TRHDE: variants seen among roughly 807,000 people sequenced by gnomAD.
TRHDE encodes the protein thyrotropin-releasing hormone-degrading ectoenzyme.
Under a neutral mutation model 125.7 loss-of-function variants are expected in TRHDE, and 72 were observed. That is an observed-to-expected ratio of 0.57 (90% CI 0.47 to 0.70). The LOEUF (loss-of-function observed/expected upper bound fraction) is 0.70. TRHDE is among the 30% of genes least tolerant of loss of function. The probability of loss-of-function intolerance (pLI) is 0.00; values close to 1 mark genes in which losing one functional copy is unlikely to be tolerated. For synonymous variants in TRHDE, 509 were observed against 509.1 expected, an observed-to-expected ratio of 1.00 and a Z score of 0.00; for missense variants, 1,110 against 1,327.1, an observed-to-expected ratio of 0.84 and a Z score of 2.54.
rs182875501 is a variant in TRHDE at position 72,231,339 on chromosome 12, A to G, written n.279+125587A>G. ...TCTCAAATCACAGTCTAATGTGCCA[A>G]TATCCAAGTTTGAAAAACATATTAT... On this transcript the variant is annotated intron_variant and non_coding_transcript_variant, in intron 2 of 4. Coordinates refer to the TRHDE transcript ENST00000548156. Among the ~76,000 whole-genome samples the G allele has an allele frequency of 2.4e-3, 366 of 152,280 alleles. 1 individual carries two copies. The highest frequency in any genetic ancestry group is 8.4e-3 in the African/African-American group (350 of 41,570).
intron 2 of TRHDE, among the ~76,000 whole-genome samples, chr12:72,132,090 G>A (rs1875879566): frequency 6.6e-6 from 1 of 152,114 alleles, no homozygotes; most frequent in South Asian, 2.1e-4. Flanking sequence ...GAGCGTCTCA[G>A]GGGAAGGATA....
At chr12:72,407,331 T>A (rs894574603) in intron 3 of TRHDE, among the ~76,000 whole-genome samples, 1 of 152,200 alleles carries the variant, frequency 6.6e-6, no homozygotes, top group African/African-American at 2.4e-5. Flanking sequence ...CATAAAAGAC[T>A]GAAAGATTGC....
At chr12:72,108,622 G>A (rs571489763) in intron 2 of TRHDE, among the ~76,000 whole-genome samples, 3 of 152,174 alleles carry the variant, frequency 2.0e-5, no homozygotes, top group African/African-American at 4.8e-5. Context: ...ATGGAATTAT[G>A]GTAATTGAAA....
At chr12:72,624,339 T>C (rs1219757772) in intron 15 of TRHDE, among the ~76,000 whole-genome samples, 1 of 151,976 alleles carries the variant, frequency 6.6e-6, no homozygotes, top group African/African-American at 2.4e-5. Context: ...AATAGAGTGA[T>C]TTACAAAAGT....
At chr12:72,145,049 T>C (rs573506983) in intron 2 of TRHDE, among the ~76,000 whole-genome samples, 1 of 152,202 alleles carries the variant, frequency 6.6e-6, no homozygotes, top group South Asian at 2.1e-4. Flanking sequence ...GCTTGATAAA[T>C]ACTGACAGAC....
At chr12:72,259,812 C>T (rs1289868617) in intron 2 of TRHDE, among the ~76,000 whole-genome samples, 1 of 152,150 alleles carries the variant, frequency 6.6e-6, no homozygotes, top group Non-Finnish European at 1.5e-5. Flanking sequence ...CTCTAGCTCC[C>T]GCTTTGTGTG....
At chr12:72,414,335 G>A (rs529079732) in intron 3 of TRHDE, among the ~76,000 whole-genome samples, 1 of 152,082 alleles carries the variant, frequency 6.6e-6, no homozygotes, top group South Asian at 2.1e-4. Flanking sequence ...AAAGACTAAT[G>A]GAGACAAGAG....
At chr12:72,124,034 G>A (rs1875655528) in intron 2 of TRHDE, among the ~76,000 whole-genome samples, 1 of 152,058 alleles carries the variant, frequency 6.6e-6, no homozygotes, top group Non-Finnish European at 1.5e-5. Flanking sequence ...CTGTTGTACA[G>A]GCATATAATT....
intron 6 of TRHDE, among the ~76,000 whole-genome samples, chr12:72,500,849 C>CTTTTTTTTTTTT (rs11314911): frequency 9.1e-6 from 1 of 109,358 alleles, no homozygotes. Flanking sequence ...CAACTTTGTT[C>CTTTTTTTTTTTT]TTTTTTTTTT....
chr12:72,400,979 T>C (rs1873018172), intron 3 of TRHDE, among the ~76,000 whole-genome samples: 1 of 152,136 alleles, frequency 6.6e-6, no homozygotes, highest in Non-Finnish European at 1.5e-5. Context: ...ATTTAGGGAA[T>C]TTTTTATAAA....
Position 72,388,033 on chromosome 12 carries a change from C to G in TRHDE, c.1315+9912C>G, listed in dbSNP as rs189328736. Among the ~76,000 whole-genome samples, 739 of 152,190 alleles carry G rather than the reference C, an allele frequency of 4.9e-3. 6 individuals are homozygous for G. Among genetic ancestry groups the G allele is most frequent in the African/African-American group, 0.017 (697 of 41,514 alleles). On this transcript the variant is annotated intron_variant, in intron 3 of 18. Transcript: ENST00000261180. The stretch of plus-strand genomic sequence containing the variant: ...CATGCTTGCCCCTACCCTTTACCCC[C>G]CCGGACCCTCTAATCTCATTTATTT...
At chr12:72,259,215 T>G (rs1055238092) in intron 2 of TRHDE, among the ~76,000 whole-genome samples, 1 of 152,158 alleles carries the variant, frequency 6.6e-6, no homozygotes, top group African/African-American at 2.4e-5. Flanking sequence ...ATTTACTTAC[T>G]ATATAATTGT....
chr12:72,368,029 T>C lies in TRHDE; in HGVS notation c.1189-9966T>C, dbSNP rs567977691. Among the ~76,000 whole-genome samples, 26 of 152,332 alleles carry C rather than the reference T, an allele frequency of 1.7e-4. No individual in the cohort carries two copies. In the Middle Eastern group the frequency reaches 0.01, roughly 60 times the overall value. ...ACTGTTGTAAATGTTTTTTTCTTTT[T>C]CTTGGCTGTGTGGTATAACTATACA... On this transcript the variant is annotated intron_variant, in intron 2 of 18. Coordinates refer to ENST00000261180, the MANE Select transcript of TRHDE (RefSeq NM_013381.3).
At chr12:72,518,382 T>C (rs1337147073) in intron 6 of TRHDE, among the ~76,000 whole-genome samples, 17 of 151,050 alleles carry the variant, frequency 1.1e-4, no homozygotes, top group African/African-American at 2.2e-4. Context: ...TTGAATTGAT[T>C]CCTTTACCAT....
intron 2 of TRHDE, among the ~76,000 whole-genome samples, chr12:72,201,894 T>C (rs1877567421): frequency 6.6e-6 from 1 of 152,200 alleles, no homozygotes. Context: ...GTTAGACTCA[T>C]AAAACTATGG....
At chr12:72,382,900 A>G (rs1338963739) in intron 3 of TRHDE, among the ~76,000 whole-genome samples, 2 of 152,262 alleles carry the variant, frequency 1.3e-5, no homozygotes, top group East Asian at 3.9e-4. Flanking sequence ...GTTCATCTCT[A>G]AGGATTTGAG....
chr12:72,212,994 T>C (rs1877814241), intron 2 of TRHDE, among the ~76,000 whole-genome samples: 2 of 152,140 alleles, frequency 1.3e-5, no homozygotes, highest in South Asian at 2.1e-4. Flanking sequence ...GGGATATTAT[T>C]TGGCAATAGG....
chr12:72,619,214 A>C (rs1010462286), intron 13 of TRHDE, among the ~76,000 whole-genome samples, 176 bp downstream of exon 13: 5 of 152,160 alleles, frequency 3.3e-5, no homozygotes, highest in African/African-American at 4.8e-5. Flanking sequence ...TGAAGAAGAA[A>C]TTTAATACAA....
intron 2 of TRHDE, among the ~76,000 whole-genome samples, chr12:72,359,496 G>A (rs1317340927): frequency 6.6e-6 from 1 of 151,584 alleles, no homozygotes; most frequent in African/African-American, 2.4e-5. Flanking sequence ...AAAATCAATA[G>A]GTAGCTAATA....
Sources: allele counts gnomAD v4.1 joint callset (sites outside exome capture counted in the v4.1 genomes callset), GRCh38; gene constraint gnomAD v4.1.1; transcripts MANE v1.5; gene names NCBI Gene and HGNC (gene_info 2026-07-23, HGNC 2026-07-21).